The following VWA3B variants were observed in gnomAD, a reference collection of about 807,000 sequenced individuals.
The protein encoded by VWA3B is von Willebrand factor A domain-containing protein 3B.
A neutral mutation model predicts 158.3 loss-of-function variants in VWA3B; 138 were observed. The observed-to-expected ratio is 0.87, with a 90% confidence interval of 0.76 to 1.00. The LOEUF (loss-of-function observed/expected upper bound fraction) is 1.00, where lower values mean the gene tolerates loss of function less well. Among genes scored for constraint, VWA3B ranks in the 50% least tolerant of loss-of-function variants. VWA3B has a pLI of 0.00. For missense variants in VWA3B, 1,555 were observed against 1,565.1 expected (o/e 0.99, Z 0.11); for synonymous variants, 596 against 587.3 (o/e 1.01, Z -0.21).
chr2:98,234,755 C>G lies in VWA3B; in HGVS notation c.2416C>G (p.Leu806Val), dbSNP rs1189742741. 10 of 1,614,050 alleles carry G rather than the reference C, an allele frequency of 6.2e-6. No homozygotes were observed. The highest frequency in any genetic ancestry group is 2.2e-5 in the East Asian group (1 of 44,898). The change falls in exon 17 of 28, where the codon CTA becomes GTA. Residue 806 changes from leucine to valine, a missense_variant. Coordinates refer to ENST00000477737, the MANE Select transcript of VWA3B (RefSeq NM_144992.5). Reference protein sequence around the residue: ...LSNASSRRTALSDKEMSILLA... With the variant: ...LSNASSRRTAVSDKEMSILLA... Reference sequence around the variant, plus strand: ...CAATGCCAGCAGCCGGAGGACTGCTCTAAGTGACAAAGGCAAGCCAGAAAG... The same window carrying G: ...CAATGCCAGCAGCCGGAGGACTGCTGTAAGTGACAAAGGCAAGCCAGAAAG...
At chr2:98,323,185 C>T in the VWA3B span, among the ~76,000 whole-genome samples, 1 of 152,048 alleles carries the variant, frequency 6.6e-6, no homozygotes, top group African/African-American at 2.4e-5. Flanking sequence ...ATCAAAGTAG[C>T]TACTATAAAA....
intron 10 of VWA3B, among the ~76,000 whole-genome samples, chr2:98,190,924 A>G (rs1055239464): frequency 6.6e-6 from 1 of 152,100 alleles, no homozygotes; most frequent in Non-Finnish European, 1.5e-5. Flanking sequence ...ATATTTTCTC[A>G]AATATTTTTT....
At chr2:98,087,828 C>T (rs749619802) in intron 1 of VWA3B, among the ~76,000 whole-genome samples, 8 of 152,136 alleles carry the variant, frequency 5.3e-5, no homozygotes, top group Non-Finnish European at 1.0e-4. Context: ...TTTCTTTCAC[C>T]CTCCTTATAT....
intron 5 of VWA3B, among the ~76,000 whole-genome samples, chr2:98,123,049 G>A (rs920408974): frequency 2.6e-5 from 4 of 152,174 alleles, no homozygotes; most frequent in East Asian, 1.9e-4. Flanking sequence ...TAAAAATGCC[G>A]TGTCCTATGT....
intron 12 of VWA3B, among the ~76,000 whole-genome samples, chr2:98,204,554 T>C (rs967670984): frequency 2.0e-5 from 3 of 152,220 alleles, no homozygotes; most frequent in South Asian, 4.1e-4. Flanking sequence ...TCTGAATACA[T>C]AGAATGCCAC....
intron 23 of VWA3B, among the ~76,000 whole-genome samples, chr2:98,296,624 G>A (rs1035120805): frequency 7.2e-5 from 11 of 152,166 alleles, no homozygotes; most frequent in South Asian, 2.1e-4. Flanking sequence ...TAGCAGGCAC[G>A]TGAGCCAGGA....
chr2:98,141,718 C>T (rs1217732039), intron 7 of VWA3B, among the ~76,000 whole-genome samples: 3 of 152,188 alleles, frequency 2.0e-5, no homozygotes, highest in Non-Finnish European at 4.4e-5. Context: ...CTGGCCACTT[C>T]ACACCTGACC....
intron 7 of VWA3B, among the ~76,000 whole-genome samples, chr2:98,160,269 A>G (rs1678461056): frequency 6.6e-6 from 1 of 152,072 alleles, no homozygotes; most frequent in African/African-American, 2.4e-5. Context: ...AAACCTGTGC[A>G]TTGTCATGAT....
intron 22 of VWA3B, among the ~76,000 whole-genome samples, chr2:98,280,075 C>G (rs1260925585): frequency 1.3e-5 from 2 of 152,350 alleles, no homozygotes; most frequent in Admixed American, 1.3e-4. Context: ...TTTTGTTCAT[C>G]TCCGGAGTAG....
intron 20 of VWA3B, among the ~76,000 whole-genome samples, chr2:98,253,201 T>A (rs1193218603): frequency 6.6e-6 from 1 of 152,172 alleles, no homozygotes; most frequent in Non-Finnish European, 1.5e-5. Flanking sequence ...ATATGAAAAG[T>A]AATTAATGAC....
chr2:98,193,141 T>C (rs561034898), intron 11 of VWA3B, 105 bp downstream of exon 11: 2 of 1,378,150 alleles, frequency 1.5e-6, no homozygotes, highest in Admixed American at 2.4e-5. Context: ...GAAAGCCAAA[T>C]TCAGAGAAGT....
intron 14 of VWA3B, 138 bp from the exon 15 acceptor site, chr2:98,228,064 G>C: frequency 1.1e-6 from 1 of 897,836 alleles, no homozygotes; most frequent in East Asian, 2.8e-5. Flanking sequence ...CAAGATGAGA[G>C]GATCACTTGA....
At chr2:98,157,262 G>C (rs1343511111) in intron 7 of VWA3B, among the ~76,000 whole-genome samples, 1 of 152,140 alleles carries the variant, frequency 6.6e-6, no homozygotes, top group African/African-American at 2.4e-5. Flanking sequence ...ACATTAGATG[G>C]TTATCCAGAT....
At chr2:98,203,670 T>C (rs1314646445) in intron 12 of VWA3B, among the ~76,000 whole-genome samples, 2 of 152,252 alleles carry the variant, frequency 1.3e-5, no homozygotes, top group Non-Finnish European at 2.9e-5. Flanking sequence ...AGTATTGTAA[T>C]TTTTTGGAGC....
chr2:98,253,829 TC>T (rs930575659), intron 20 of VWA3B, among the ~76,000 whole-genome samples: 1 of 151,992 alleles, frequency 6.6e-6, no homozygotes, highest in African/African-American at 2.4e-5. Context: ...GTTAGAAAAA[TC>T]CCTGAATCAT....
At chr2:98,228,370 C>G (rs1685087461) in intron 15 of VWA3B, 38 bp downstream of exon 15, 3 of 1,587,586 alleles carry the variant, frequency 1.9e-6, no homozygotes, top group Non-Finnish European at 2.6e-6. Flanking sequence ...TGCGCTGAGG[C>G]CTCTTGAGAG....
intron 12 of VWA3B, among the ~76,000 whole-genome samples, chr2:98,209,763 T>A (rs962253017): frequency 6.6e-6 from 1 of 152,222 alleles, no homozygotes; most frequent in African/African-American, 2.4e-5. Flanking sequence ...GAATGTGATA[T>A]TTCTGGTTCT....
chr2:98,270,563 C>A, intron 21 of VWA3B, 119 bp from the exon 22 acceptor site: 1 of 1,026,620 alleles, frequency 9.7e-7, no homozygotes. Flanking sequence ...CTAGCTTCAA[C>A]AGATGTTTCT....
chr2:98,302,868 A>G (rs1690281301), intron 25 of VWA3B, among the ~76,000 whole-genome samples: 1 of 152,204 alleles, frequency 6.6e-6, no homozygotes, highest in Non-Finnish European at 1.5e-5. Context: ...GGTTAAGCGC[A>G]AAGGAGAAAG....
Sources: gnomAD v4.1 joint callset for allele counts (sites outside exome capture counted in the v4.1 genomes callset) on GRCh38, gnomAD v4.1.1 for gene constraint, MANE v1.5 for transcripts, NCBI Gene and HGNC (gene_info 2026-07-23, HGNC 2026-07-21) for gene names.